Variants in BRINP1 observed in about 807,000 individuals in gnomAD.
BRINP1 encodes the protein BMP/retinoic acid inducible neural specific 1.
In BRINP1, 17 loss-of-function variants were observed where a neutral mutation model predicts 72.9. The observed-to-expected ratio is 0.23, with a 90% CI of 0.16 to 0.35. The LOEUF is 0.35. Among genes scored for constraint, BRINP1 ranks in the 10% least tolerant of loss-of-function variants. The pLI is 1.00. For missense variants in BRINP1, 850 were observed against 1,001.6 expected, an observed-to-expected ratio of 0.85 and a Z score of 2.04; for synonymous variants, 418 against 378.5, an observed-to-expected ratio of 1.10 and a Z score of -1.21.
At chr9:119,218,589 C>T (rs1830005306) in intron 5 of BRINP1, among the ~76,000 whole-genome samples, 1 of 151,932 alleles carries the variant, frequency 6.6e-6, no homozygotes, top group Non-Finnish European at 1.5e-5. Flanking sequence ...GGTGACCTGG[C>T]CAAAGTCTCA....
intron 2 of BRINP1, among the ~76,000 whole-genome samples, chr9:119,296,376 A>G (rs1336164737): frequency 1.3e-5 from 2 of 152,192 alleles, no homozygotes; most frequent in Non-Finnish European, 2.9e-5. Flanking sequence ...GTATTATAAA[A>G]TTTTGAAAAA....
chr9:119,291,924 T>G lies in BRINP1; in HGVS notation c.218+21214A>C, dbSNP rs370854340. Among the ~76,000 whole-genome samples, 157 of 152,278 alleles carry G rather than the reference T, an allele frequency of 1.0e-3. 2 individuals are homozygous for G. The highest frequency in any genetic ancestry group is 3.6e-3 in the African/African-American group (150 of 41,558). ...AAAGAATCTCTACCCTGAAGCATGG[T>G]GAGTTGGTTGTTTTTAATAATACAA... On this transcript the variant is annotated intron_variant, in intron 2 of 7. Coordinates refer to ENST00000265922, the MANE Select transcript of BRINP1 (RefSeq NM_014618.3).
At chr9:119,334,098 C>G (rs530966079) in intron 1 of BRINP1, among the ~76,000 whole-genome samples, 1 of 152,294 alleles carries the variant, frequency 6.6e-6, no homozygotes, top group South Asian at 2.1e-4. Context: ...GAGTGGGGCC[C>G]AGCACACAGG....
intron 1 of BRINP1, 45 bp downstream of exon 1, chr9:119,369,011 C>G (rs943084774): frequency 2.5e-5 from 10 of 392,214 alleles, no homozygotes; most frequent in Non-Finnish European, 4.5e-5. Context: ...GGGCCGGGTC[C>G]AAGGGCAGCG....
chr9:119,335,158 A>T (rs1310124147), intron 1 of BRINP1, among the ~76,000 whole-genome samples: 1 of 152,158 alleles, frequency 6.6e-6, no homozygotes, highest in Non-Finnish European at 1.5e-5. Flanking sequence ...AATTTACAGA[A>T]ATCCCAGAAG....
chr9:119,178,985 T>C (rs2118835572), intron 7 of BRINP1, among the ~76,000 whole-genome samples: 1 of 152,260 alleles, frequency 6.6e-6, no homozygotes, highest in South Asian at 2.1e-4. Flanking sequence ...GTCCCTCTCC[T>C]CCACTCACAG....
At chr9:119,358,357 G>A (rs1253294324) in intron 1 of BRINP1, among the ~76,000 whole-genome samples, 3 of 147,946 alleles carry the variant, frequency 2.0e-5, no homozygotes, top group Non-Finnish European at 3.0e-5. Context: ...ACTCAGATAC[G>A]GATTGATCTT....
intron 2 of BRINP1, among the ~76,000 whole-genome samples, chr9:119,276,657 G>A (rs1051931724): frequency 6.6e-6 from 1 of 152,094 alleles, no homozygotes; most frequent in Admixed American, 6.6e-5. Context: ...CTTCATCCAT[G>A]CTTCCCACTA....
chr9:119,240,941 T>C (rs757344043), intron 4 of BRINP1, among the ~76,000 whole-genome samples: 9 of 152,176 alleles, frequency 5.9e-5, no homozygotes, highest in Non-Finnish European at 1.0e-4. Context: ...CATAATCTGG[T>C]TAAAGAACAT....
At chr9:119,279,847 G>A (rs1830690719) in intron 2 of BRINP1, among the ~76,000 whole-genome samples, 1 of 152,118 alleles carries the variant, frequency 6.6e-6, no homozygotes, top group South Asian at 2.1e-4. Context: ...GCAAAAGAAA[G>A]CTCACTACCT....
chr9:119,168,789 C>T (rs1197995483), intron 7 of BRINP1, among the ~76,000 whole-genome samples: 1 of 152,154 alleles, frequency 6.6e-6, no homozygotes, highest in African/African-American at 2.4e-5. Context: ...ACATGATCCT[C>T]ATGGTGGTTT....
At chr9:119,313,079 C>T in intron 2 of BRINP1, 59 bp downstream of exon 2, 1 of 1,555,630 alleles carries the variant, frequency 6.4e-7, no homozygotes, top group Non-Finnish European at 8.7e-7. Flanking sequence ...CCAATCAACG[C>T]CTGACTCCAC....
At chr9:119,290,894 G>C (rs986322635) in intron 2 of BRINP1, among the ~76,000 whole-genome samples, 2 of 152,140 alleles carry the variant, frequency 1.3e-5, no homozygotes, top group African/African-American at 4.8e-5. Flanking sequence ...AGGCCGAGGC[G>C]GGCAGATCAC....
At position 119,369,382 on chromosome 9, in the gene BRINP1, G is replaced by T. The variant is rs895252014; in HGVS notation, c.-377C>A. ...GCTCGCCTGCGCTCTCCTCCTCCCC[G>T]CGCGCCAGATCAGTTTGCAGCCGTG... On this transcript the variant is annotated 5_prime_UTR_variant, in exon 1 of 8. Transcript: ENST00000265922. 1.5e-5 allele frequency: 6 copies of T among 396,960 alleles called. No homozygotes were observed. Among genetic ancestry groups the T allele is most frequent in the Non-Finnish European group, 2.2e-5 (5 of 225,304 alleles). 24.6% of individuals were successfully genotyped at this position (396,960 alleles called of 1,614,324 possible).
rs550219201 is a variant in BRINP1, at chr9:119,286,429, T to C, written c.218+26709A>G. Reference sequence around the variant, plus strand: ...TTTTGTATTTTTAGTAGAGATGGGGTTTCACCATGTTAGCCAGGATGGTCT... The same window carrying C: ...TTTTGTATTTTTAGTAGAGATGGGGCTTCACCATGTTAGCCAGGATGGTCT... On this transcript the variant is annotated intron_variant, in intron 2 of 7. Coordinates refer to ENST00000265922, the MANE Select transcript of BRINP1 (RefSeq NM_014618.3). Among the ~76,000 whole-genome samples the C allele has an allele frequency of 2.0e-5, 3 of 152,216 alleles. No individual in the cohort carries two copies. In the South Asian group the frequency reaches 6.2e-4, roughly 32 times the overall value.
At chr9:119,276,002 T>C (rs1340365293) in intron 2 of BRINP1, among the ~76,000 whole-genome samples, 1 of 152,122 alleles carries the variant, frequency 6.6e-6, no homozygotes, top group Non-Finnish European at 1.5e-5. Flanking sequence ...TCTGTTCTTT[T>C]CACTTTCCCT....
chr9:119,236,009 G>A (rs1324264867), intron 5 of BRINP1, among the ~76,000 whole-genome samples: 1 of 152,008 alleles, frequency 6.6e-6, no homozygotes, highest in Non-Finnish European at 1.5e-5. Context: ...TAAAAGCTGG[G>A]ATCCTTGTAA....
At chr9:119,318,228 A>C (rs1224623944) in intron 1 of BRINP1, among the ~76,000 whole-genome samples, 1 of 152,250 alleles carries the variant, frequency 6.6e-6, no homozygotes, top group Non-Finnish European at 1.5e-5. Flanking sequence ...TGTGGTGAGG[A>C]CACAAACAAT....
chr9:119,195,998 T>C (rs1376604203), intron 7 of BRINP1, among the ~76,000 whole-genome samples: 1 of 152,222 alleles, frequency 6.6e-6, no homozygotes, highest in Non-Finnish European at 1.5e-5. Flanking sequence ...CTTCTTTATT[T>C]AGCATTTTTT....
Sources: allele counts gnomAD v4.1 joint callset (sites outside exome capture counted in the v4.1 genomes callset), GRCh38; gene constraint gnomAD v4.1.1; transcripts MANE v1.5; gene names NCBI Gene and HGNC (gene_info 2026-07-23, HGNC 2026-07-21).